The following RAD54L2 variants were observed in gnomAD, a reference collection of about 807,000 sequenced individuals.
RAD54L2 encodes the protein helicase ARIP4.
RAD54L2 carries 27 observed loss-of-function variants against 138.4 expected under a neutral mutation model. The ratio of observed to expected loss-of-function variants is 0.20; its 90% CI spans 0.14 to 0.27. RAD54L2 has a LOEUF of 0.27. RAD54L2 is among the 10% of genes least tolerant of loss of function. The pLI is 1.00. For synonymous variants in RAD54L2, 644 were observed against 723.2 expected, an observed-to-expected ratio of 0.89 and a Z score of 1.76; for missense variants, 1,396 against 1,890.2, an observed-to-expected ratio of 0.74 and a Z score of 4.85.
At chr3:51,640,428 T>G (rs1294006818) in intron 14 of RAD54L2, among the ~76,000 whole-genome samples, 1 of 152,238 alleles carries the variant, frequency 6.6e-6, no homozygotes. Context: ...GTTTTAAGCT[T>G]TGTCTTTAAA....
At chr3:51,633,816 G>C in intron 8 of RAD54L2, 57 bp downstream of exon 8, 1 of 1,605,256 alleles carries the variant, frequency 6.2e-7, no homozygotes, top group Non-Finnish European at 8.5e-7. Flanking sequence ...CTGTGTTAAT[G>C]CCTTTACTGG....
chr3:51,654,979 C>G (rs996695511), intron 19 of RAD54L2, among the ~76,000 whole-genome samples: 7 of 152,188 alleles, frequency 4.6e-5, no homozygotes, highest in African/African-American at 1.2e-4. Flanking sequence ...CCTGCCAAAC[C>G]ATCCTAGGAA....
At chr3:51,656,285 T>A (rs1701598164) in intron 20 of RAD54L2, 115 bp downstream of exon 20, 1 of 1,005,552 alleles carries the variant, frequency 9.9e-7, no homozygotes, top group Non-Finnish European at 1.4e-6. Context: ...CATTTGGCAC[T>A]CTTGGTAAAA....
At chr3:51,576,289 G>A (rs1226407277) in intron 2 of RAD54L2, among the ~76,000 whole-genome samples, 1 of 152,164 alleles carries the variant, frequency 6.6e-6, no homozygotes, top group Non-Finnish European at 1.5e-5. Context: ...GTTCATCAGG[G>A]ATATTGGTCT....
At chr3:51,660,157 AC>A in intron 22 of RAD54L2, 39 bp downstream of exon 22, 3 of 1,514,084 alleles carry the variant, frequency 2.0e-6, no homozygotes, top group Non-Finnish European at 2.7e-6. Context: ...TTTTCAAACA[AC>A]ATTTGTTTGC....
chr3:51,577,896 G>T (rs1192691625), intron 2 of RAD54L2, among the ~76,000 whole-genome samples: 1 of 152,036 alleles, frequency 6.6e-6, no homozygotes, highest in Non-Finnish European at 1.5e-5. Context: ...GGCCATCTTG[G>T]AACCTCCCCC....
intron 19 of RAD54L2, among the ~76,000 whole-genome samples, chr3:51,648,782 A>G (rs999212845): frequency 1.2e-4 from 18 of 152,226 alleles, no homozygotes; most frequent in Non-Finnish European, 2.5e-4. Flanking sequence ...ATCAACACCA[A>G]AACCCCATCT....
chr3:51,552,257 T>C (rs1698856615), intron 2 of RAD54L2, among the ~76,000 whole-genome samples: 1 of 152,100 alleles, frequency 6.6e-6, no homozygotes, highest in Admixed American at 6.6e-5. Context: ...CTATACTTGC[T>C]AGAATAGGAA....
Position 51,633,636 on chromosome 3 carries a change from C to T in RAD54L2, c.885C>T (p.Thr295=), listed in dbSNP as rs1372020048. ...TGGAGTCTCTGGAGAGGTTTAAGACCAGCAGTGGCTTTGGCTGTATTCTGG... is the reference window on the plus strand; with the variant it reads ...TGGAGTCTCTGGAGAGGTTTAAGACTAGCAGTGGCTTTGGCTGTATTCTGG... The part of the protein sequence containing the change: ...NLVESLERFK[T]SSGFGCILAH... Residue 295 remains threonine, a synonymous_variant, in exon 8 of 23, where the codon ACC becomes ACT. Coordinates refer to ENST00000684192, the MANE Select transcript of RAD54L2 (RefSeq NM_015106.4). 1 of 1,613,806 alleles carries T rather than the reference C, an allele frequency of 6.2e-7. No homozygotes were observed. The highest frequency in any genetic ancestry group is 1.3e-5 in the African/African-American group (1 of 74,918).
At chr3:51,613,646 A>G (rs1043261550) in intron 3 of RAD54L2, among the ~76,000 whole-genome samples, 1 of 151,936 alleles carries the variant, frequency 6.6e-6, no homozygotes, top group Non-Finnish European at 1.5e-5. Flanking sequence ...GTGCACCTGT[A>G]ATCCCAGCTA....
chr3:51,594,066 CTTTTTTTTTTTTTTTTT>C (rs904101025), intron 3 of RAD54L2, among the ~76,000 whole-genome samples: 165 of 105,130 alleles, frequency 1.6e-3, no homozygotes, highest in Middle Eastern at 0.013. Flanking sequence ...TTTTCTTTTT[CTTTTTTTTTTTTTTTTT>C]TTTTTGAGAT....
chr3:51,623,980 C>CAAAAAAA (rs35064930), intron 3 of RAD54L2, among the ~76,000 whole-genome samples: 10 of 74,042 alleles, frequency 1.4e-4, no homozygotes, highest in Non-Finnish European at 1.8e-4. Flanking sequence ...CTCCGTCTCA[C>CAAAAAAA]AAAAAAAAAA....
At chr3:51,542,051 CTG>C (rs1231962963) in intron 2 of RAD54L2, among the ~76,000 whole-genome samples, 1 of 152,136 alleles carries the variant, frequency 6.6e-6, no homozygotes, top group Non-Finnish European at 1.5e-5. Flanking sequence ...TAGAAAAAGT[CTG>C]AGAGAAGAAA....
chr3:51,617,050 G>A (rs375536252), intron 3 of RAD54L2, among the ~76,000 whole-genome samples: 3 of 152,096 alleles, frequency 2.0e-5, no homozygotes, highest in Admixed American at 6.6e-5. Flanking sequence ...GTTGTTGCAC[G>A]TGTCCATAGT....
chr3:51,587,963 C>A (rs139336588), intron 2 of RAD54L2, among the ~76,000 whole-genome samples: 1 of 151,510 alleles, frequency 6.6e-6, no homozygotes, highest in Non-Finnish European at 1.5e-5. Flanking sequence ...AATCCCAGCA[C>A]TTTGGGAGGT....
chr3:51,602,157 C>A (rs1029088621), intron 3 of RAD54L2, among the ~76,000 whole-genome samples: 1 of 151,962 alleles, frequency 6.6e-6, no homozygotes, highest in Non-Finnish European at 1.5e-5. Context: ...TTTTTTTGGC[C>A]CAGGGCATTG....
At chr3:51,603,107 G>A (rs1387493078) in intron 3 of RAD54L2, among the ~76,000 whole-genome samples, 4 of 140,354 alleles carry the variant, frequency 2.8e-5, no homozygotes, top group African/African-American at 1.1e-4. Context: ...TTTGAGACCA[G>A]CCTAGGCAAC....
In RAD54L2 at chr3:51,645,537, C is replaced by G; in HGVS notation, c.2657-54C>G. The G allele has an allele frequency of 6.7e-7, 1 of 1,498,664 alleles. No individual in the cohort carries two copies. The highest frequency in any genetic ancestry group is 9.0e-7 in the Non-Finnish European group (1 of 1,109,068). 92.8% of individuals were successfully genotyped at this position (1,498,664 alleles called of 1,614,324 possible). A position where few individuals can be genotyped will look rare whatever the true frequency, so the allele number is the denominator to read the frequency against. On this transcript the variant is annotated intron_variant, in intron 17 of 22. Coordinates refer to ENST00000684192, the MANE Select transcript of RAD54L2 (RefSeq NM_015106.4). This position sits in a 1 kb window ranked among gnomAD's most constrained non-coding sequence, Gnocchi z 6.1. ...GGGATGACTTTTCATTATTAGTGAC[C>G]TTTACAGTTTTTAATGCCATGTGCT...
chr3:51,639,631 T>G lies in RAD54L2; in HGVS notation c.2073T>G (p.Pro691=), dbSNP rs771376830. The change falls in exon 13 of 23, where the codon CCT becomes CCG. Residue 691 remains proline (P), a synonymous_variant. Transcript: ENST00000684192. ...TCCTACAGGGCGTTGGCTTCAACCC[T>G]TTCCAGGAGCGAGGCAACAACATTG... ...SKFLQGVGFN[P]FQERGNNIVT... 1 of 1,613,730 alleles carries G rather than the reference T, an allele frequency of 6.2e-7. No homozygotes were observed. Among genetic ancestry groups the G allele is most frequent in the African/African-American group, 1.3e-5 (1 of 74,902 alleles).
Sources: allele counts gnomAD v4.1 joint callset (sites outside exome capture counted in the v4.1 genomes callset), GRCh38; gene constraint gnomAD v4.1.1; non-coding constraint Gnocchi (gnomAD v3.1); transcripts MANE v1.5; gene names NCBI Gene and HGNC (gene_info 2026-07-23, HGNC 2026-07-21).